SH3RF3: variants seen among roughly 807,000 people sequenced by gnomAD.
SH3RF3 encodes E3 ubiquitin-protein ligase SH3RF3.
A neutral mutation model predicts 66.3 loss-of-function variants in SH3RF3; 29 were observed. The ratio of observed to expected loss-of-function variants is 0.44; its 90% CI spans 0.33 to 0.60. The LOEUF is 0.60. Ranked by LOEUF, SH3RF3 falls within the 20% of genes least tolerant of loss-of-function variation. SH3RF3 has a pLI of 0.04. For synonymous variants in SH3RF3, 583 were observed against 532.0 expected, an observed-to-expected ratio of 1.10 and a Z score of -1.32; for missense variants, 1,194 against 1,190.9, an observed-to-expected ratio of 1.00 and a Z score of -0.04.
In SH3RF3 at chr2:109,449,339, C is replaced by T. The variant is rs1364797809; in HGVS notation, c.1998C>T (p.Ile666=). The T allele has an allele frequency of 8.1e-6, 13 of 1,605,542 alleles. No homozygotes were observed. The highest frequency in any genetic ancestry group is 1.1e-5 in the Non-Finnish European group (13 of 1,175,146). ...PPVQMCPRPA[I]PLTSAASAIT... ...TGCAGATGTGCCCACGGCCGGCCAT[C>T]CCCCTCACATCAGCAGCATCAGCCA... is the stretch of plus-strand genomic sequence containing the variant. The change falls in exon 8 of 10, where the codon ATC becomes ATT. Residue 666 remains isoleucine, a synonymous_variant. Transcript: ENST00000309415.
intron 7 of SH3RF3, among the ~76,000 whole-genome samples, chr2:109,441,476 T>C (rs1226891747): frequency 6.6e-6 from 1 of 151,978 alleles, no homozygotes; most frequent in African/African-American, 2.4e-5. Flanking sequence ...CTTGAAGATA[T>C]AGTAATAGAA....
chr2:109,177,444 A>G (rs1448675901), intron 1 of SH3RF3, among the ~76,000 whole-genome samples: 3 of 152,152 alleles, frequency 2.0e-5, no homozygotes, highest in Admixed American at 6.5e-5. Flanking sequence ...GGGGCCTGTG[A>G]TCTGCCAGAG....
chr2:109,339,827 C>T (rs1310348193), intron 1 of SH3RF3, among the ~76,000 whole-genome samples: 3 of 152,152 alleles, frequency 2.0e-5, no homozygotes, highest in African/African-American at 7.2e-5. Flanking sequence ...CAGATCTGGA[C>T]CCTCCTGGCC....
chr2:109,138,144 T>C (rs1175071459), intron 1 of SH3RF3, among the ~76,000 whole-genome samples: 1 of 152,190 alleles, frequency 6.6e-6, no homozygotes, highest in Non-Finnish European at 1.5e-5. Context: ...GCCTCCCAAG[T>C]GGCTGGGACT....
At chr2:109,175,825 A>G (rs1677901542) in intron 1 of SH3RF3, among the ~76,000 whole-genome samples, 1 of 152,226 alleles carries the variant, frequency 6.6e-6, no homozygotes, top group East Asian at 1.9e-4. Context: ...GTAAGCTGCC[A>G]TGCCAGTAAT....
chr2:109,403,907 G>A (rs1676380750), intron 4 of SH3RF3, among the ~76,000 whole-genome samples: 1 of 152,242 alleles, frequency 6.6e-6, no homozygotes, highest in Non-Finnish European at 1.5e-5. Flanking sequence ...CTGTGAGGGT[G>A]GAGTGAGGGC....
intron 8 of SH3RF3, among the ~76,000 whole-genome samples, chr2:109,483,295 G>T (rs964912972): frequency 1.3e-5 from 2 of 152,178 alleles, no homozygotes; most frequent in African/African-American, 4.8e-5. Context: ...ATAAGTCCCC[G>T]TTTCTTTCTT....
intron 1 of SH3RF3, among the ~76,000 whole-genome samples, chr2:109,314,084 A>G (rs1250528098): frequency 2.2e-4 from 33 of 152,030 alleles, no homozygotes; most frequent in Admixed American, 1.9e-3. Context: ...ACCCGGGGCA[A>G]GTGTGGACTT....
intron 3 of SH3RF3, among the ~76,000 whole-genome samples, chr2:109,372,722 C>T (rs1462668109): frequency 6.6e-6 from 1 of 152,156 alleles, no homozygotes; most frequent in African/African-American, 2.4e-5. Context: ...ACACCATATC[C>T]TGCCTCTCCA....
At chr2:109,319,612 A>G (rs1681971771) in intron 1 of SH3RF3, among the ~76,000 whole-genome samples, 2 of 152,158 alleles carry the variant, frequency 1.3e-5, no homozygotes, top group African/African-American at 2.4e-5. Context: ...ACACTCCCCC[A>G]TCTTCTCTTA....
At chr2:109,443,018 T>A (rs1677611986) in intron 7 of SH3RF3, among the ~76,000 whole-genome samples, 3 of 152,256 alleles carry the variant, frequency 2.0e-5, no homozygotes, top group African/African-American at 2.4e-5. Context: ...AGTGAAGGGA[T>A]GGAACAAGTT....
intron 2 of SH3RF3, among the ~76,000 whole-genome samples, chr2:109,366,015 A>G (rs1683145460): frequency 6.6e-6 from 1 of 152,348 alleles, no homozygotes; most frequent in East Asian, 1.9e-4. Flanking sequence ...GGCATATAAG[A>G]CAATTCTGTT....
At chr2:109,238,394 T>G (rs183362918) in intron 1 of SH3RF3, among the ~76,000 whole-genome samples, 85 of 152,144 alleles carry the variant, frequency 5.6e-4, no homozygotes, top group African/African-American at 1.9e-3. Context: ...TGTGGGTGCT[T>G]TAAAAAATTT....
intron 1 of SH3RF3, among the ~76,000 whole-genome samples, chr2:109,246,269 A>G (rs1679912843): frequency 6.6e-6 from 1 of 152,238 alleles, no homozygotes; most frequent in Non-Finnish European, 1.5e-5. Context: ...TGGTCGTCCA[A>G]GATCAAGGCA....
chr2:109,205,178 G>C (rs2105084814), intron 1 of SH3RF3, among the ~76,000 whole-genome samples: 1 of 152,044 alleles, frequency 6.6e-6, no homozygotes, highest in East Asian at 1.9e-4. Flanking sequence ...CTGCACTCCA[G>C]CCTGGGCAGC....
chr2:109,420,397 C>G (rs1267296552), intron 5 of SH3RF3, among the ~76,000 whole-genome samples: 1 of 152,106 alleles, frequency 6.6e-6, no homozygotes, highest in East Asian at 1.9e-4. Context: ...CACTCAGAAC[C>G]TGTGTTGTTA....
intron 1 of SH3RF3, among the ~76,000 whole-genome samples, chr2:109,225,816 A>G (rs985846826): frequency 6.6e-6 from 1 of 152,236 alleles, no homozygotes; most frequent in East Asian, 1.9e-4. Flanking sequence ...CCCGGGCTGC[A>G]CTGCAGAAGT....
intron 9 of SH3RF3, among the ~76,000 whole-genome samples, chr2:109,501,184 T>A (rs1184267276): frequency 6.6e-6 from 1 of 151,764 alleles, no homozygotes; most frequent in Non-Finnish European, 1.5e-5. Flanking sequence ...TCTAGGTGGG[T>A]GGGCCAGGGC....
intron 8 of SH3RF3, among the ~76,000 whole-genome samples, chr2:109,456,099 G>A (rs941084282): frequency 2.0e-5 from 3 of 152,236 alleles, no homozygotes; most frequent in South Asian, 4.1e-4. Flanking sequence ...CTGGGGGCTT[G>A]GGAACCTCAG....
Sources: gnomAD v4.1 joint callset for allele counts (sites outside exome capture counted in the v4.1 genomes callset) on GRCh38, gnomAD v4.1.1 for gene constraint, MANE v1.5 for transcripts, NCBI Gene and HGNC (gene_info 2026-07-23, HGNC 2026-07-21) for gene names.